The following TMPRSS5 variants were observed in gnomAD, a reference collection of about 807,000 sequenced individuals.
The protein encoded by TMPRSS5 is transmembrane protease serine 5.
In TMPRSS5, 45 loss-of-function variants were observed where a neutral mutation model predicts 59.7. That is an observed-to-expected ratio of 0.75 (90% CI 0.59 to 0.97). The LOEUF (loss-of-function observed/expected upper bound fraction) is 0.97. TMPRSS5 is among the 50% of genes least tolerant of loss of function. The pLI, the probability that TMPRSS5 is intolerant of heterozygous loss-of-function variation, is 0.00. For synonymous variants in TMPRSS5, 225 were observed against 232.0 expected (o/e 0.97, Z 0.27); for missense variants, 585 against 596.7 (o/e 0.98, Z 0.20).
At chr11:113,689,723 C>G (rs1222633482) in intron 12 of TMPRSS5, 42 bp downstream of exon 12, 2 of 1,586,366 alleles carry the variant, frequency 1.3e-6, no homozygotes, top group Admixed American at 1.8e-5. Flanking sequence ...GAGGGCAGGT[C>G]CTTTAGAAAT....
chr11:113,694,359 AC>A, intron 8 of TMPRSS5, 118 bp downstream of exon 8: 5 of 1,024,998 alleles, frequency 4.9e-6, no homozygotes, highest in Non-Finnish European at 7.2e-6. Flanking sequence ...CACCAGTCTT[AC>A]CCTTTTGGAG....
intron 3 of TMPRSS5, 31 bp downstream of exon 3, chr11:113,699,564 C>G: frequency 1.3e-6 from 2 of 1,541,878 alleles, no homozygotes; most frequent in Middle Eastern, 3.4e-4. Context: ...TCCAACCTCC[C>G]CCACACCAGA....
At chr11:113,694,922 T>G (rs1235280604) in intron 7 of TMPRSS5, among the ~76,000 whole-genome samples, 4 of 152,028 alleles carry the variant, frequency 2.6e-5, no homozygotes, top group Non-Finnish European at 5.9e-5. Context: ...AAGGTCGAAG[T>G]GTTGGTGTGT....
At chr11:113,690,181 C>CCCCCCCCCCCCCCCACCA in intron 11 of TMPRSS5, 50 bp downstream of exon 11, 1 of 699,644 alleles carries the variant, frequency 1.4e-6, no homozygotes, top group Non-Finnish European at 2.4e-6. Flanking sequence ...CCCCTGCCCT[C>CCCCCCCCCCCCCCCACCA]CCACCCCCAC....
At chr11:113,689,110 C>A (rs1395262854) in intron 12 of TMPRSS5, among the ~76,000 whole-genome samples, 4 of 152,154 alleles carry the variant, frequency 2.6e-5, no homozygotes, top group Non-Finnish European at 5.9e-5. Flanking sequence ...GTAATCCCAG[C>A]ACTTTGGGAG....
chr11:113,697,035 C>G, intron 5 of TMPRSS5, 64 bp from the exon 6 acceptor site: 7 of 1,305,408 alleles, frequency 5.4e-6, no homozygotes, highest in Non-Finnish European at 7.6e-6. Flanking sequence ...AGATATAATA[C>G]TAGTATAGTG....
chr11:113,703,349 G>A (rs1380673667), intron 1 of TMPRSS5, among the ~76,000 whole-genome samples: 2 of 152,198 alleles, frequency 1.3e-5, no homozygotes, highest in South Asian at 2.1e-4. Context: ...TTTGGAATAG[G>A]TGTATTTACC....
chr11:113,692,977 G>A (rs970878331), intron 9 of TMPRSS5, 94 bp downstream of exon 9: 8 of 1,254,704 alleles, frequency 6.4e-6, no homozygotes, highest in Non-Finnish European at 9.0e-6. Context: ...GTGTTCAGAG[G>A]AAACTTCAGA....
At position 113,688,017 on chromosome 11, in the gene TMPRSS5, C is replaced by T; in HGVS notation, c.*243G>A. 2.0e-6 allele frequency: 1 copy of T among 492,038 alleles called. No individual in the cohort carries two copies. Among genetic ancestry groups the T allele is most frequent in the Non-Finnish European group, 3.2e-6 (1 of 308,804 alleles). The allele number at this position is 492,038 out of a possible 1,614,324, so 30.5% of individuals were successfully genotyped here. A position where few individuals can be genotyped will look rare whatever the true frequency, so the allele number is the denominator to read the frequency against. On this transcript the variant is annotated 3_prime_UTR_variant, in exon 13 of 13. Transcript: ENST00000299882. ...CAACCACAGCATGCCCAACCAAGTC[C>T]CAGCCTCTCTTCTGTCATTGAGTCT...
intron 9 of TMPRSS5, chr11:113,691,143 A>C (rs1952768995): frequency 1.7e-6 from 1 of 581,974 alleles, no homozygotes; most frequent in Admixed American, 3.1e-5. Context: ...CACAGAGGAC[A>C]GCATGCAAAC....
chr11:113,695,936 C>T (rs1287436048), intron 6 of TMPRSS5, among the ~76,000 whole-genome samples: 1 of 152,136 alleles, frequency 6.6e-6, no homozygotes, highest in Non-Finnish European at 1.5e-5. Context: ...CCTCTTCTCT[C>T]TTAGCTCTTA....
rs540686458 is a variant in TMPRSS5, at chr11:113,702,769, C to A, written c.4-2601G>T. Among the ~76,000 whole-genome samples, 21 of 152,340 alleles carry A rather than the reference C, an allele frequency of 1.4e-4. No individual in the cohort carries two copies. In the East Asian group the frequency reaches 3.5e-3, roughly 25 times the overall value. On this transcript the variant is annotated intron_variant, in intron 1 of 12. Coordinates refer to ENST00000299882, the MANE Select transcript of TMPRSS5 (RefSeq NM_030770.4). ...GCCATGGCTAAAAGGGGACAAGGTA[C>A]AGCTCAGATCATTGCTTCAGAGGGT...
At chr11:113,689,712 C>T (rs1952705798) in intron 12 of TMPRSS5, 53 bp downstream of exon 12, 7 of 1,563,100 alleles carry the variant, frequency 4.5e-6, no homozygotes, top group Non-Finnish European at 6.1e-6. Context: ...TCCTTGCATT[C>T]GAGGGCAGGT....
At chr11:113,695,473 G>T (rs1294034340) in intron 6 of TMPRSS5, 30 bp from the exon 7 acceptor site, 1 of 1,613,414 alleles carries the variant, frequency 6.2e-7, no homozygotes, top group Middle Eastern at 1.6e-4. Context: ...ACAAGAAGCT[G>T]GGCAGGGGCC....
chr11:113,690,902 C>T lies in TMPRSS5; in HGVS notation c.1002G>A (p.Gln334=), dbSNP rs1326837432. 1 of 1,596,958 alleles carries T rather than the reference C, an allele frequency of 6.3e-7. No homozygotes were observed. The highest frequency in any genetic ancestry group is 1.7e-4 in the Middle Eastern group (1 of 6,040). ...VGAVCLPAKE[Q]HFPKGSRCWV... The stretch of plus-strand genomic sequence containing the variant: ...AGCACCGCGAGCCCTTCGGAAAATG[C>T]TGTTCCTTGGCCGGCAGGCACACAG... Residue 334 remains glutamine, a synonymous_variant, in exon 10 of 13, where the codon CAG becomes CAA. Coordinates refer to ENST00000299882, the MANE Select transcript of TMPRSS5 (RefSeq NM_030770.4).
At chr11:113,703,135 C>T (rs1953189575) in intron 1 of TMPRSS5, among the ~76,000 whole-genome samples, 2 of 152,222 alleles carry the variant, frequency 1.3e-5, no homozygotes, top group African/African-American at 4.8e-5. Context: ...ATGAAAACAG[C>T]CAGAAGTGGG....
chr11:113,689,632 A>T, intron 12 of TMPRSS5, 133 bp downstream of exon 12: 5 of 882,972 alleles, frequency 5.7e-6, no homozygotes, highest in South Asian at 2.5e-5. Flanking sequence ...TTCTTCCTCC[A>T]CTCACTCTGG....
intron 8 of TMPRSS5, 138 bp from the exon 9 acceptor site, chr11:113,693,387 C>T (rs1343305089): frequency 2.3e-6 from 2 of 885,076 alleles, no homozygotes. Context: ...CCAGGCCCCA[C>T]AGACTATGCC....
chr11:113,696,985 G>A lies in TMPRSS5; in HGVS notation c.465-14C>T, dbSNP rs1436235396. The A allele has an allele frequency of 6.5e-6, 10 of 1,543,088 alleles. No individual in the cohort carries two copies. The highest frequency in any genetic ancestry group is 1.2e-5 in the South Asian group (1 of 84,282). On this transcript the variant is annotated splice_polypyrimidine_tract_variant and intron_variant, in intron 5 of 12. Coordinates refer to ENST00000299882, the MANE Select transcript of TMPRSS5 (RefSeq NM_030770.4). Reference sequence around the variant, plus strand: ...TGGTGAGTGAGTCTTGGCAGAAGAAGGGAATAGAACAGGAGGAAATCATAA... The same window carrying A: ...TGGTGAGTGAGTCTTGGCAGAAGAAAGGAATAGAACAGGAGGAAATCATAA...
Sources: gnomAD v4.1 joint callset for allele counts (sites outside exome capture counted in the v4.1 genomes callset) on GRCh38, gnomAD v4.1.1 for gene constraint, MANE v1.5 for transcripts, NCBI Gene and HGNC (gene_info 2026-07-23, HGNC 2026-07-21) for gene names.